KDM2B: variants seen among roughly 807,000 people sequenced by gnomAD.
The protein encoded by KDM2B is lysine demethylase 2B, also known as lysine-specific demethylase 2B.
Under a neutral mutation model 150.0 loss-of-function variants are expected in KDM2B, and 26 were observed. The ratio of observed to expected loss-of-function variants is 0.17; its 90% CI spans 0.13 to 0.24. The LOEUF is 0.24. Ranked by LOEUF, KDM2B falls within the 10% of genes least tolerant of loss-of-function variation. The pLI, the probability that KDM2B is intolerant of heterozygous loss-of-function variation, is 1.00. For synonymous variants in KDM2B, 734 were observed against 729.5 expected, an observed-to-expected ratio of 1.01 and a Z score of -0.10; for missense variants, 1,265 against 1,816.9, an observed-to-expected ratio of 0.70 and a Z score of 5.52.
intron 12 of KDM2B, among the ~76,000 whole-genome samples, chr12:121,478,064 G>A (rs1279886024): frequency 1.3e-5 from 2 of 151,690 alleles, no homozygotes; most frequent in Non-Finnish European, 2.9e-5. Flanking sequence ...TAAAAGTTCT[G>A]TAGAAACAGG....
intron 12 of KDM2B, among the ~76,000 whole-genome samples, chr12:121,478,572 G>C (rs1881663479): frequency 6.6e-6 from 1 of 151,494 alleles, no homozygotes; most frequent in Non-Finnish European, 1.5e-5. Flanking sequence ...TGTTAACCAG[G>C]ATGGTCTCGA....
chr12:121,567,879 C>T (rs28853111), intron 4 of KDM2B, among the ~76,000 whole-genome samples: 13,183 of 151,734 alleles, frequency 0.087, 1,909 homozygotes, highest in African/African-American at 0.3. Context: ...CAGCTGTGCA[C>T]CACCAAGCCC....
intron 4 of KDM2B, among the ~76,000 whole-genome samples, chr12:121,563,509 A>T (rs1051479481): frequency 6.6e-6 from 1 of 151,978 alleles, no homozygotes; most frequent in Non-Finnish European, 1.5e-5. Context: ...CGGGAGGCTG[A>T]GGCACGAGAA....
intron 4 of KDM2B, among the ~76,000 whole-genome samples, chr12:121,554,136 C>A (rs1267146054): frequency 6.7e-6 from 1 of 149,618 alleles, no homozygotes; most frequent in Non-Finnish European, 1.5e-5. Flanking sequence ...ACTCTGAAGG[C>A]TGAAGTGGGA....
intron 11 of KDM2B, 71 bp downstream of exon 11, chr12:121,509,496 C>T (rs1885391918): frequency 6.4e-7 from 1 of 1,566,262 alleles, no homozygotes; most frequent in Admixed American, 1.8e-5. Flanking sequence ...AGCTGAGCTG[C>T]ACGTGTCACA....
At chr12:121,538,589 T>G (rs1888356788) in intron 6 of KDM2B, among the ~76,000 whole-genome samples, 1 of 152,200 alleles carries the variant, frequency 6.6e-6, no homozygotes, top group South Asian at 2.1e-4. Context: ...CATAGCATGG[T>G]TGAGAGACTC....
chr12:121,422,745 C>T, the KDM2B span, among the ~76,000 whole-genome samples: 3 of 152,130 alleles, frequency 2.0e-5, no homozygotes, highest in Admixed American at 2.0e-4. Flanking sequence ...TTAACTTATT[C>T]ATCGTCTTTC....
intron 8 of KDM2B, among the ~76,000 whole-genome samples, chr12:121,528,366 T>C (rs1174203456): frequency 2.0e-5 from 3 of 151,904 alleles, no homozygotes; most frequent in African/African-American, 2.4e-5. Context: ...TGAGACCAGG[T>C]TGATCAACAT....
At chr12:121,470,297 G>T (rs1262578737) in intron 12 of KDM2B, 2 of 152,168 alleles carry the variant, frequency 1.3e-5, no homozygotes. Context: ...GAAAGGAAAA[G>T]TGCGGACAAA....
intron 11 of KDM2B, among the ~76,000 whole-genome samples, chr12:121,507,645 G>A (rs1555303143): frequency 6.6e-6 from 1 of 152,148 alleles, no homozygotes; most frequent in Non-Finnish European, 1.5e-5. Context: ...TCATCCCTAG[G>A]AGGACATCTG....
chr12:121,523,517 G>T (rs782523275), intron 8 of KDM2B, among the ~76,000 whole-genome samples: 1 of 152,130 alleles, frequency 6.6e-6, no homozygotes, highest in Non-Finnish European at 1.5e-5. Flanking sequence ...CCCCAAGCCC[G>T]AGCGGTTCCA....
At chr12:121,531,746 C>T (rs1179622777) in intron 8 of KDM2B, among the ~76,000 whole-genome samples, 1 of 152,144 alleles carries the variant, frequency 6.6e-6, no homozygotes, top group Non-Finnish European at 1.5e-5. Flanking sequence ...ACACCCACAC[C>T]CCACTTCAGG....
rs782336117 is a variant in KDM2B at position 121,520,458 on chromosome 12, G to A, written c.1047+527C>T. On this transcript the variant is annotated intron_variant, in intron 9 of 22. Coordinates refer to ENST00000377071, the MANE Select transcript of KDM2B (RefSeq NM_032590.5). This position sits in a 1 kb window ranked among gnomAD's most constrained non-coding sequence, Gnocchi z 4.5. ...GCCTCGGCCCCAGGAAACTAGAGAC[G>A]TCCTCAGCAGACATGGAGACTACCT... 4.6e-5 allele frequency among the ~76,000 whole-genome samples: 7 copies of A among 152,124 alleles called. No homozygotes were observed. The highest frequency in any genetic ancestry group is 1.9e-4 in the East Asian group (1 of 5,184).
rs1555303627 is a variant in KDM2B, at chr12:121,509,869, T to G, written c.1345A>C (p.Thr449Pro). The change falls in exon 11 of 23, where the codon ACG (threonine) becomes CCG (proline). Residue 449 changes from threonine to proline, a missense_variant. Coordinates refer to ENST00000377071, the MANE Select transcript of KDM2B (RefSeq NM_032590.5). ...AGGGCCTCCTGGTCCTCAGAGGGCG[T>G]GCTGGTGGGTGAAGTGGAGCCATCG... ...PTDGSTSPTS[T>P]PSEDQEALGK... The G allele has an allele frequency of 1.2e-6, 2 of 1,613,962 alleles. No homozygotes were observed. Among genetic ancestry groups the G allele is most frequent in the Non-Finnish European group, 1.7e-6 (2 of 1,180,000 alleles).
In KDM2B at chr12:121,442,891, C is replaced by CA; in HGVS notation, c.2605-56dup. ...TCTGGGGCTCAGGGCTGCGCCCGCC[C>CA]AAGGCCTCCCGCCCCCCTGCCACGG... is the stretch of plus-strand genomic sequence containing the variant. On this transcript the variant is annotated intron_variant, in intron 18 of 22. Coordinates refer to ENST00000377071, the MANE Select transcript of KDM2B (RefSeq NM_032590.5). The surrounding 1 kb of genome is among the most constrained non-coding windows in gnomAD (Gnocchi z 7.7). The CA allele has an allele frequency of 6.5e-7, 1 of 1,550,312 alleles. No homozygotes were observed. The highest frequency in any genetic ancestry group is 1.9e-4 in the Middle Eastern group (1 of 5,204).
intron 4 of KDM2B, among the ~76,000 whole-genome samples, chr12:121,558,742 A>G (rs992853640): frequency 6.6e-6 from 1 of 152,076 alleles, no homozygotes; most frequent in Non-Finnish European, 1.5e-5. Context: ...GGCGTGAGAC[A>G]CTGCGCCCAG....
At position 121,467,177 on chromosome 12, in the gene KDM2B, T is replaced by C. The variant is rs1555294996; in HGVS notation, c.1735-13833A>G. ...GCCGACCTGGTCCGGCTCCGATTCA[T>C]AGTCGTCGTCCTCGGCGCTCACGGA... On this transcript the variant is annotated intron_variant, in intron 12 of 22. Transcript: ENST00000377071. This position sits in a 1 kb window ranked among gnomAD's most constrained non-coding sequence, Gnocchi z 5.1. The C allele has an allele frequency of 3.6e-6, 4 of 1,120,910 alleles. No individual in the cohort carries two copies. Among genetic ancestry groups the C allele is most frequent in the Non-Finnish European group, 4.5e-6 (4 of 898,422 alleles). The allele number at this position is 1,120,910 out of a possible 1,614,324, so 69.4% of individuals were successfully genotyped here.
At chr12:121,474,734 C>G (rs540184585) in intron 12 of KDM2B, among the ~76,000 whole-genome samples, 1 of 152,290 alleles carries the variant, frequency 6.6e-6, no homozygotes, top group Admixed American at 6.5e-5. Context: ...GGGCGAATTC[C>G]TTGAACACAG....
chr12:121,444,006 C>A lies in KDM2B; in HGVS notation c.2451+6G>T, dbSNP rs782456889. ...CCTTTGCCTCCCAGCCCCTCCTGGT[C>A]CGTACCCGCTTGCGTCCACTCAGCT... On this transcript the variant is annotated splice_donor_region_variant and intron_variant, in intron 16 of 22. Transcript: ENST00000377071. 1.7e-5 allele frequency: 27 copies of A among 1,601,348 alleles called. No individual in the cohort carries two copies. The East Asian group carries it at 3.6e-4, about 21-fold the overall frequency.
Sources: gnomAD v4.1 joint callset for allele counts (sites outside exome capture counted in the v4.1 genomes callset) on GRCh38, gnomAD v4.1.1 for gene constraint, Gnocchi (gnomAD v3.1) non-coding constraint, MANE v1.5 for transcripts, NCBI Gene and HGNC (gene_info 2026-07-23, HGNC 2026-07-21) for gene names.